Variants in OR9Q1 observed in about 807,000 individuals in gnomAD.
OR9Q1 encodes olfactory receptor family 9 subfamily Q member 1, also known as olfactory receptor 9Q1.
For missense variants in OR9Q1, 374 were observed against 378.8 expected (o/e 0.99, Z 0.11); for synonymous variants, 153 against 148.6 (o/e 1.03, Z -0.22).
chr11:58,119,453 T>A (rs1854003232), intron 2 of OR9Q1: 10 of 1,511,594 alleles, frequency 6.6e-6, no homozygotes, highest in Non-Finnish European at 8.2e-6. Context: ...ATGGAGACAA[T>A]GTGGACTGTT....
chr11:58,044,616 C>T (rs531596775), intron 1 of OR9Q1: 2 of 152,338 alleles, frequency 1.3e-5, no homozygotes, highest in African/African-American at 4.8e-5. Flanking sequence ...CTCTTTATCA[C>T]GTTTTCCTTT....
chr11:58,142,863 T>C (rs774588086), intron 2 of OR9Q1, among the ~76,000 whole-genome samples: 1 of 152,112 alleles, frequency 6.6e-6, no homozygotes, highest in Non-Finnish European at 1.5e-5. Flanking sequence ...ATCTCACTGA[T>C]TGATAATGAA....
chr11:58,048,679 A>AT (rs1554965247), intron 1 of OR9Q1, among the ~76,000 whole-genome samples: 3,985 of 131,344 alleles, frequency 0.03, 77 homozygotes, highest in East Asian at 0.07. Context: ...TAAAAAAAAA[A>AT]ATATATATAT....
At chr11:58,039,824 C>A (rs1037516609) in intron 1 of OR9Q1, among the ~76,000 whole-genome samples, 1 of 152,176 alleles carries the variant, frequency 6.6e-6, no homozygotes, top group Non-Finnish European at 1.5e-5. Context: ...TAGCTTAGAG[C>A]AAGTGTCCTG....
intron 2 of OR9Q1, among the ~76,000 whole-genome samples, chr11:58,106,525 A>AT (rs1165507236): frequency 1.1e-4 from 16 of 151,510 alleles, no homozygotes; most frequent in African/African-American, 2.4e-4. Context: ...TCAATTTTGG[A>AT]TTTTTTTGTT....
Position 58,180,487 on chromosome 11 carries a change from T to G in OR9Q1, c.*110T>G. ...TGTTTAAATGAATATATTATGGTAC[T>G]AGGTATAAAAAAGAACCAGAACTTT... On this transcript the variant is annotated 3_prime_UTR_variant, in exon 3 of 3. Transcript: ENST00000335397. 1.6e-6 allele frequency: 1 copy of G among 629,374 alleles called. No individual in the cohort carries two copies. Among genetic ancestry groups the G allele is most frequent in the Non-Finnish European group, 2.6e-6 (1 of 383,766 alleles). 39.0% of individuals were successfully genotyped at this position (629,374 alleles called of 1,614,324 possible).
At chr11:58,093,589 T>C (rs1358992504) in intron 2 of OR9Q1, among the ~76,000 whole-genome samples, 1 of 151,552 alleles carries the variant, frequency 6.6e-6, no homozygotes, top group East Asian at 1.9e-4. Context: ...TGAAACCTTG[T>C]CTCTACTTAA....
chr11:58,089,597 A>G (rs1167682073), intron 2 of OR9Q1, among the ~76,000 whole-genome samples: 1 of 151,544 alleles, frequency 6.6e-6, no homozygotes, highest in African/African-American at 2.4e-5. Context: ...ATGCCTCCAG[A>G]TTTGTTCTTT....
intron 2 of OR9Q1, chr11:58,109,391 C>G (rs1017944197): frequency 2.2e-6 from 1 of 458,850 alleles, no homozygotes; most frequent in African/African-American, 2.0e-5. Flanking sequence ...TAGGAGATAA[C>G]TGTCTTGTCT....
chr11:58,096,151 T>C (rs915289186), intron 2 of OR9Q1, among the ~76,000 whole-genome samples: 29 of 74,522 alleles, frequency 3.9e-4, no homozygotes, highest in Non-Finnish European at 7.4e-4. Flanking sequence ...TTCCTTTCCC[T>C]TTTTTTTTTT....
At chr11:58,081,889 G>T (rs1431136843) in intron 2 of OR9Q1, among the ~76,000 whole-genome samples, 1 of 148,846 alleles carries the variant, frequency 6.7e-6, no homozygotes, top group Middle Eastern at 3.5e-3. Context: ...TAAGATATTA[G>T]TTACAGTGTT....
chr11:58,159,997 C>T (rs899454695), intron 2 of OR9Q1, among the ~76,000 whole-genome samples: 14 of 152,174 alleles, frequency 9.2e-5, no homozygotes, highest in African/African-American at 3.4e-4. Flanking sequence ...TCTGTGACTG[C>T]TGAGGCTGGG....
At chr11:58,123,157 C>T (rs1036492978) in intron 2 of OR9Q1, among the ~76,000 whole-genome samples, 37 of 152,122 alleles carry the variant, frequency 2.4e-4, no homozygotes, top group African/African-American at 8.5e-4. Flanking sequence ...CTAAAATTAC[C>T]TCCAAGTGAA....
At chr11:58,124,246 C>T (rs181210601) in intron 2 of OR9Q1, among the ~76,000 whole-genome samples, 15 of 152,154 alleles carry the variant, frequency 9.9e-5, no homozygotes, top group East Asian at 5.8e-4. Flanking sequence ...GGGAAAGCAA[C>T]GGTTTATGGC....
intron 2 of OR9Q1, among the ~76,000 whole-genome samples, chr11:58,084,922 G>A (rs532487059): frequency 6.6e-6 from 1 of 151,856 alleles, no homozygotes; most frequent in East Asian, 1.9e-4. Flanking sequence ...ATTTAACACA[G>A]CACTGGAATT....
chr11:58,149,276 A>G (rs750230108), intron 2 of OR9Q1, among the ~76,000 whole-genome samples: 1 of 152,114 alleles, frequency 6.6e-6, no homozygotes, highest in East Asian at 1.9e-4. Flanking sequence ...TAATTCAATA[A>G]ATTAGCTCTT....
At chr11:58,039,769 A>G (rs1270998812) in intron 1 of OR9Q1, among the ~76,000 whole-genome samples, 1 of 152,208 alleles carries the variant, frequency 6.6e-6, no homozygotes, top group African/African-American at 2.4e-5. Context: ...ACTCTTTGCT[A>G]ATAAGGATTA....
chr11:58,035,267 GA>G (rs58981671), intron 1 of OR9Q1, among the ~76,000 whole-genome samples: 125,062 of 151,942 alleles, frequency 0.82, 51,567 homozygotes, highest in East Asian at 0.94. Context: ...TGCAGAAAAA[GA>G]AAAAAAACAA....
chr11:58,106,026 T>C (rs1272770738), intron 2 of OR9Q1, among the ~76,000 whole-genome samples: 2 of 152,160 alleles, frequency 1.3e-5, no homozygotes, highest in Non-Finnish European at 2.9e-5. Context: ...TTTTTAATTT[T>C]TTGAGGAAAC....
Sources: gnomAD v4.1 joint callset for allele counts (sites outside exome capture counted in the v4.1 genomes callset) on GRCh38, gnomAD v4.1.1 for gene constraint, MANE v1.5 for transcripts, NCBI Gene and HGNC (gene_info 2026-07-23, HGNC 2026-07-21) for gene names.